CTNND2: variants seen among roughly 807,000 people sequenced by gnomAD.
The protein encoded by CTNND2 is catenin delta-2.
A neutral mutation model predicts 144.4 loss-of-function variants in CTNND2; 22 were observed. The observed-to-expected ratio is 0.15, with a 90% CI of 0.11 to 0.22. The LOEUF (loss-of-function observed/expected upper bound fraction) is 0.22, where lower values mean the gene tolerates loss of function less well. CTNND2 is among the 10% of genes least tolerant of loss of function. The pLI is 1.00. For synonymous variants in CTNND2, 751 were observed against 695.6 expected (o/e 1.08, Z -1.25); for missense variants, 1,353 against 1,618.8 (o/e 0.84, Z 2.82).
At chr5:11,252,060 A>G (rs141586297) in intron 9 of CTNND2, among the ~76,000 whole-genome samples, 1 of 152,338 alleles carries the variant, frequency 6.6e-6, no homozygotes, top group East Asian at 1.9e-4. Context: ...TGACAAAAAC[A>G]CCATTTTAGT....
rs58954001 is a variant in CTNND2, at chr5:11,623,808, GTATATATATATATATA to G, written c.175-58768_175-58753del. On this transcript the variant is annotated intron_variant, in intron 2 of 21. Coordinates refer to ENST00000304623, the MANE Select transcript of CTNND2 (RefSeq NM_001332.4). ...ATCGTAAATATATATATGTGTGTATGTATATATATATATATATATATATATATATATATATATATAT... is the reference window on the plus strand; with the variant it reads ...ATCGTAAATATATATATGTGTGTATGTATATATATATATATATATATATAT... Among the ~76,000 whole-genome samples the G allele has an allele frequency of 4.3e-3, 174 of 40,732 alleles. 2 individuals carry two copies. The highest frequency in any genetic ancestry group is 0.018 in the Middle Eastern group (1 of 56). The allele number at this position is 40,732 out of a possible 152,430, so 26.7% of individuals were successfully genotyped here. A position where few individuals can be genotyped will look rare whatever the true frequency, so the allele number is the denominator to read the frequency against.
chr5:11,774,930 T>A (rs1441204802), intron 1 of CTNND2, among the ~76,000 whole-genome samples: 1 of 152,182 alleles, frequency 6.6e-6, no homozygotes, highest in Non-Finnish European at 1.5e-5. Flanking sequence ...CAGCTGGAAG[T>A]GCAGTCACCA....
chr5:11,740,602 G>T (rs1044465873), intron 1 of CTNND2, among the ~76,000 whole-genome samples: 1 of 152,090 alleles, frequency 6.6e-6, no homozygotes, highest in African/African-American at 2.4e-5. Context: ...AGAAAACCTA[G>T]GCAATACCAT....
At chr5:11,035,910 G>T (rs1188994957) in intron 16 of CTNND2, among the ~76,000 whole-genome samples, 1 of 150,232 alleles carries the variant, frequency 6.7e-6, no homozygotes, top group East Asian at 2.0e-4. Context: ...GTGTAATTTT[G>T]ATGAGTTTAC....
chr5:10,977,091 CA>C (rs1358042620), intron 21 of CTNND2, among the ~76,000 whole-genome samples: 2 of 152,094 alleles, frequency 1.3e-5, no homozygotes, highest in Non-Finnish European at 2.9e-5. Flanking sequence ...ACCATTGGCA[CA>C]GAGGTAAAAA....
intron 2 of CTNND2, among the ~76,000 whole-genome samples, chr5:11,687,385 T>C (rs1784704142): frequency 6.6e-6 from 1 of 152,224 alleles, no homozygotes; most frequent in Non-Finnish European, 1.5e-5. Flanking sequence ...GGGCCCCAGA[T>C]AAAGCATGTT....
chr5:11,735,227 T>C (rs963171226), intron 1 of CTNND2, among the ~76,000 whole-genome samples: 1 of 152,224 alleles, frequency 6.6e-6, no homozygotes, highest in Non-Finnish European at 1.5e-5. Flanking sequence ...AGGAAGAACA[T>C]AATAAAGCAT....
At chr5:11,834,545 G>A (rs1794071693) in intron 1 of CTNND2, among the ~76,000 whole-genome samples, 1 of 152,030 alleles carries the variant, frequency 6.6e-6, no homozygotes, top group East Asian at 1.9e-4. Context: ...CCCATAATAT[G>A]CATGTTTTAT....
intron 12 of CTNND2, among the ~76,000 whole-genome samples, chr5:11,118,329 G>C (rs768034704): frequency 6.6e-6 from 1 of 152,202 alleles, no homozygotes; most frequent in African/African-American, 2.4e-5. Context: ...TTCCAGTAGA[G>C]AATTTCTGCA....
At chr5:11,064,346 C>T (rs1025915994) in intron 16 of CTNND2, among the ~76,000 whole-genome samples, 1 of 152,084 alleles carries the variant, frequency 6.6e-6, no homozygotes, top group Admixed American at 6.5e-5. Context: ...AGCATCTAGT[C>T]ACCGCATAAC....
At position 11,272,477 on chromosome 5, in the gene CTNND2, C is replaced by T. The variant is rs1746123106; in HGVS notation, c.1629-35654G>A. On this transcript the variant is annotated intron_variant, in intron 9 of 21. Coordinates refer to ENST00000304623, the MANE Select transcript of CTNND2 (RefSeq NM_001332.4). The stretch of plus-strand genomic sequence containing the variant: ...AATAAAAACCTTAGATCCACCCATG[C>T]CACACTCACAAGTCTGACTCTTTCC... Among the ~76,000 whole-genome samples, 4 of 152,146 alleles carry T rather than the reference C, an allele frequency of 2.6e-5. No homozygotes were observed. The South Asian group carries it at 8.3e-4, about 32-fold the overall frequency.
intron 12 of CTNND2, among the ~76,000 whole-genome samples, chr5:11,144,566 C>T (rs1447562861): frequency 6.6e-6 from 1 of 152,166 alleles, no homozygotes; most frequent in East Asian, 1.9e-4. Flanking sequence ...CTGTGACCAC[C>T]AGCAGAGGAG....
intron 6 of CTNND2, among the ~76,000 whole-genome samples, chr5:11,388,663 C>T (rs927960131): frequency 1.3e-5 from 2 of 152,290 alleles, no homozygotes; most frequent in East Asian, 1.9e-4. Flanking sequence ...CACCCTTGTG[C>T]TTATGTTTTC....
intron 2 of CTNND2, among the ~76,000 whole-genome samples, chr5:11,675,821 T>G (rs1039125958): frequency 2.0e-5 from 3 of 151,906 alleles, no homozygotes; most frequent in African/African-American, 7.2e-5. Context: ...TTCTCTAATC[T>G]TGTCTTCTCA....
chr5:11,658,164 T>C (rs1175147797), intron 2 of CTNND2, among the ~76,000 whole-genome samples: 2 of 152,130 alleles, frequency 1.3e-5, no homozygotes, highest in African/African-American at 2.4e-5. Flanking sequence ...TTTATGAAGA[T>C]TGTGAAACTT....
At chr5:11,435,453 G>A (rs908149337) in intron 3 of CTNND2, among the ~76,000 whole-genome samples, 6 of 152,012 alleles carry the variant, frequency 3.9e-5, no homozygotes, top group Non-Finnish European at 8.8e-5. Flanking sequence ...TTTGACAAAC[G>A]TTTTCTGTAA....
intron 16 of CTNND2, among the ~76,000 whole-genome samples, chr5:11,042,303 T>C (rs1744760731): frequency 1.3e-5 from 2 of 152,194 alleles, no homozygotes; most frequent in South Asian, 2.1e-4. Context: ...AGAAGACGTA[T>C]GTTAGTCTGT....
intron 11 of CTNND2, among the ~76,000 whole-genome samples, chr5:11,187,059 T>C (rs1446718281): frequency 6.6e-6 from 1 of 152,154 alleles, no homozygotes; most frequent in Non-Finnish European, 1.5e-5. Context: ...GTTAGGCACA[T>C]TGGACAACAA....
intron 3 of CTNND2, among the ~76,000 whole-genome samples, chr5:11,505,482 A>G (rs1011339567): frequency 2.0e-5 from 3 of 152,228 alleles, no homozygotes; most frequent in Non-Finnish European, 2.9e-5. Flanking sequence ...TTTTGTCTGA[A>G]ACAAGTTTTC....
Sources: gnomAD v4.1 joint callset for allele counts (sites outside exome capture counted in the v4.1 genomes callset) on GRCh38, gnomAD v4.1.1 for gene constraint, MANE v1.5 for transcripts, NCBI Gene and HGNC (gene_info 2026-07-23, HGNC 2026-07-21) for gene names.